The following EPHA3 variants were observed in gnomAD, a reference collection of about 807,000 sequenced individuals.
EPHA3 encodes EPH receptor A3.
A neutral mutation model predicts 107.1 loss-of-function variants in EPHA3; 42 were observed. The observed-to-expected ratio is 0.39, with a 90% CI of 0.31 to 0.51. The LOEUF is 0.51. Ranked by LOEUF, EPHA3 falls within the 20% of genes least tolerant of loss-of-function variation. The pLI is 0.78. For missense variants in EPHA3, 1,183 were observed against 1,211.2 expected, an observed-to-expected ratio of 0.98 and a Z score of 0.35; for synonymous variants, 461 against 424.8, an observed-to-expected ratio of 1.09 and a Z score of -1.05.
chr3:89,420,736 A>G (rs541484493), intron 11 of EPHA3, among the ~76,000 whole-genome samples: 1 of 151,376 alleles, frequency 6.6e-6, no homozygotes, highest in African/African-American at 2.4e-5. Context: ...TCATTTAGCC[A>G]TTTAATGTTC....
At chr3:89,390,934 C>T (rs1488129148) in intron 5 of EPHA3, among the ~76,000 whole-genome samples, 1 of 151,678 alleles carries the variant, frequency 6.6e-6, no homozygotes, top group African/African-American at 2.4e-5. Context: ...ATTATGGGTG[C>T]CCAGCACTAC....
At chr3:89,473,354 A>G (rs1710444576) in intron 16 of EPHA3, among the ~76,000 whole-genome samples, 1 of 152,204 alleles carries the variant, frequency 6.6e-6, no homozygotes, top group African/African-American at 2.4e-5. Flanking sequence ...ATCTTTTGAT[A>G]TGAGAAACAC....
chr3:89,265,429 A>C (rs1410947002), intron 3 of EPHA3, among the ~76,000 whole-genome samples: 2 of 152,188 alleles, frequency 1.3e-5, no homozygotes, highest in African/African-American at 4.8e-5. Context: ...TTTCTAAAAA[A>C]TGTTGCTCCT....
At chr3:89,230,967 A>G (rs954649747) in intron 3 of EPHA3, among the ~76,000 whole-genome samples, 4 of 152,102 alleles carry the variant, frequency 2.6e-5, no homozygotes, top group Non-Finnish European at 5.9e-5. Context: ...CTAAGTATCT[A>G]TGAATCTGTA....
intron 5 of EPHA3, among the ~76,000 whole-genome samples, chr3:89,348,500 C>G (rs1418106110): frequency 7.7e-6 from 1 of 129,750 alleles, no homozygotes; most frequent in African/African-American, 3.3e-5. Flanking sequence ...TTTGATTCTT[C>G]TCTCTTTTTT....
intron 2 of EPHA3, among the ~76,000 whole-genome samples, chr3:89,130,583 A>G (rs1305989206): frequency 6.6e-6 from 1 of 150,914 alleles, no homozygotes; most frequent in Non-Finnish European, 1.5e-5. Flanking sequence ...ATGAAACTTT[A>G]CAATTCACCT....
At chr3:89,189,247 C>G (rs1331390891) in intron 2 of EPHA3, among the ~76,000 whole-genome samples, 1 of 152,114 alleles carries the variant, frequency 6.6e-6, no homozygotes, top group Non-Finnish European at 1.5e-5. Context: ...AAGTCCAAAC[C>G]TTCATTTCAT....
At chr3:89,373,106 C>T (rs551161058) in intron 5 of EPHA3, among the ~76,000 whole-genome samples, 33 of 151,888 alleles carry the variant, frequency 2.2e-4, no homozygotes, top group Non-Finnish European at 4.3e-4. Context: ...ATAGTTTTCA[C>T]GCCATAGAGT....
At chr3:89,130,039 C>T (rs1010745788) in intron 2 of EPHA3, among the ~76,000 whole-genome samples, 3 of 152,018 alleles carry the variant, frequency 2.0e-5, no homozygotes, top group Non-Finnish European at 4.4e-5. Flanking sequence ...GGTAGTGGTT[C>T]TTAACAGGTT....
intron 3 of EPHA3, among the ~76,000 whole-genome samples, chr3:89,323,701 A>G (rs535652878): frequency 2.0e-5 from 3 of 152,130 alleles, no homozygotes; most frequent in South Asian, 2.1e-4. Context: ...AATAAGTACT[A>G]TATTCTAAGA....
intron 3 of EPHA3, among the ~76,000 whole-genome samples, chr3:89,227,999 T>C (rs561788577): frequency 6.6e-6 from 1 of 152,102 alleles, no homozygotes; most frequent in East Asian, 1.9e-4. Context: ...TTAAAGTGTA[T>C]TGTGCATAAC....
intron 5 of EPHA3, among the ~76,000 whole-genome samples, chr3:89,363,402 A>G (rs2107460907): frequency 6.6e-6 from 1 of 150,922 alleles, no homozygotes; most frequent in African/African-American, 2.4e-5. Context: ...GGAACAGCTG[A>G]CATTGCAGCT....
At chr3:89,398,291 G>A (rs1708890127) in intron 6 of EPHA3, among the ~76,000 whole-genome samples, 2 of 152,126 alleles carry the variant, frequency 1.3e-5, no homozygotes, top group African/African-American at 2.4e-5. Context: ...CCTCATAGGA[G>A]CTCTGTGTAT....
At chr3:89,432,690 G>A (rs1181208023) in intron 13 of EPHA3, among the ~76,000 whole-genome samples, 1 of 151,914 alleles carries the variant, frequency 6.6e-6, no homozygotes, top group Non-Finnish European at 1.5e-5. Context: ...ATAATTATTA[G>A]CATTTTAAAT....
intron 2 of EPHA3, among the ~76,000 whole-genome samples, chr3:89,138,546 A>G (rs1452333179): frequency 1.3e-5 from 2 of 151,904 alleles, no homozygotes; most frequent in Non-Finnish European, 1.5e-5. Context: ...GAGTGTTACT[A>G]GGATCAGACT....
At chr3:89,271,193 A>G (rs920597499) in intron 3 of EPHA3, among the ~76,000 whole-genome samples, 2 of 152,056 alleles carry the variant, frequency 1.3e-5, no homozygotes, top group African/African-American at 4.8e-5. Flanking sequence ...AATAATGTTG[A>G]GGAAGGCATA....
chr3:89,409,204 T>C (rs926839803), intron 9 of EPHA3, among the ~76,000 whole-genome samples: 10 of 152,030 alleles, frequency 6.6e-5, no homozygotes, highest in African/African-American at 2.2e-4. Context: ...AGTACTACAT[T>C]CCTAAAATCA....
intron 3 of EPHA3, among the ~76,000 whole-genome samples, chr3:89,253,019 G>T: frequency 6.6e-6 from 1 of 151,808 alleles, no homozygotes; most frequent in South Asian, 2.1e-4. Flanking sequence ...TCCATTGCCA[G>T]AGGCTGTTTA....
intron 1 of EPHA3, among the ~76,000 whole-genome samples, chr3:89,114,519 G>A (rs1707205577): frequency 6.6e-6 from 1 of 152,196 alleles, no homozygotes; most frequent in Admixed American, 6.5e-5. Flanking sequence ...GCCCTCTGGA[G>A]GCCAGTGGGT....
Sources: gnomAD v4.1 joint callset for allele counts (sites outside exome capture counted in the v4.1 genomes callset) on GRCh38, gnomAD v4.1.1 for gene constraint, MANE v1.5 for transcripts, NCBI Gene and HGNC (gene_info 2026-07-23, HGNC 2026-07-21) for gene names.